BBS9: variants seen among roughly 807,000 people sequenced by gnomAD.
BBS9 encodes the protein Bardet-Biedl syndrome 9.
Under a neutral mutation model 117.7 loss-of-function variants are expected in BBS9, and 89 were observed. The observed-to-expected ratio is 0.76, with a 90% CI of 0.64 to 0.90. The LOEUF (loss-of-function observed/expected upper bound fraction) is 0.90, where lower values mean the gene tolerates loss of function less well. Ranked by LOEUF, BBS9 falls within the 40% of genes least tolerant of loss-of-function variation. BBS9 has a pLI of 0.00. For missense variants in BBS9, 982 were observed against 1,042.2 expected, an observed-to-expected ratio of 0.94 and a Z score of 0.80; for synonymous variants, 379 against 370.9, an observed-to-expected ratio of 1.02 and a Z score of -0.25.
rs1442220882 is a variant in BBS9, at chr7:33,605,693, C to CAAAGG, written c.*480_*484dup. ...GAGTGATTGCTCTACATTATTTCTT[C>CAAAGG]AAAGGAAAGGAAAGGAATTGAAGAC... On this transcript the variant is annotated 3_prime_UTR_variant, in exon 23 of 23. Transcript: ENST00000242067. The CAAAGG allele has an allele frequency of 1.7e-5, 3 of 175,240 alleles. No individual in the cohort carries two copies. Among genetic ancestry groups the CAAAGG allele is most frequent in the Non-Finnish European group, 3.7e-5 (3 of 81,020 alleles). 10.9% of individuals were successfully genotyped at this position (175,240 alleles called of 1,614,324 possible).
At chr7:33,281,061 G>C (rs1036593525) in intron 9 of BBS9, among the ~76,000 whole-genome samples, 1 of 151,368 alleles carries the variant, frequency 6.6e-6, no homozygotes, top group Non-Finnish European at 1.5e-5. Flanking sequence ...TATAAATTCT[G>C]ATATTTAGCA....
Position 33,357,980 on chromosome 7 carries a change from C to G in BBS9, c.1678C>G (p.Leu560Val). The G allele has an allele frequency of 6.2e-7, 1 of 1,612,288 alleles. No individual in the cohort carries two copies. Among genetic ancestry groups the G allele is most frequent in the Non-Finnish European group, 8.5e-7 (1 of 1,178,800 alleles). ...IDTNKSPVSL[L>V]SLFPGFASQS... Reference sequence around the variant, plus strand: ...TACCAACAAATCTCCAGTCAGTCTTCTTAGTCTCTTCCCAGGTAAGACTGT... The same window carrying G: ...TACCAACAAATCTCCAGTCAGTCTTGTTAGTCTCTTCCCAGGTAAGACTGT... Residue 560 changes from leucine (L) to valine (V), a missense_variant, in exon 16 of 23, where the codon CTT (leucine) becomes GTT (valine). Leu to Val is a conservative substitution (Grantham distance 32, BLOSUM62 1). Transcript: ENST00000242067.
intron 5 of BBS9, among the ~76,000 whole-genome samples, chr7:33,255,546 A>G (rs1796904848): frequency 6.6e-6 from 1 of 152,172 alleles, no homozygotes; most frequent in East Asian, 1.9e-4. Context: ...TATAAAAACG[A>G]CAATTCTTAG....
chr7:33,410,430 G>T (rs1200517109), intron 19 of BBS9, among the ~76,000 whole-genome samples: 1 of 151,918 alleles, frequency 6.6e-6, no homozygotes, highest in African/African-American at 2.4e-5. Flanking sequence ...TTTCATCTTG[G>T]TCAGTCACCT....
chr7:33,244,653 C>T (rs992032587), intron 5 of BBS9, among the ~76,000 whole-genome samples: 3 of 152,062 alleles, frequency 2.0e-5, no homozygotes, highest in Non-Finnish European at 4.4e-5. Flanking sequence ...TTCCCTCCTC[C>T]CCTCCTTTAG....
At chr7:33,347,760 AAG>A (rs1241643043) in intron 12 of BBS9, among the ~76,000 whole-genome samples, 5 of 151,612 alleles carry the variant, frequency 3.3e-5, no homozygotes, top group Non-Finnish European at 7.4e-5. Flanking sequence ...TTAATCAAGA[AAG>A]AGGTAATACA....
At chr7:33,384,155 C>T (rs763588389) in intron 18 of BBS9, among the ~76,000 whole-genome samples, 4 of 152,166 alleles carry the variant, frequency 2.6e-5, no homozygotes, top group Non-Finnish European at 5.9e-5. Flanking sequence ...TATCGGAGGC[C>T]ATTTGGCTAA....
chr7:33,149,780 A>C (rs1793011771), intron 2 of BBS9, among the ~76,000 whole-genome samples: 1 of 152,224 alleles, frequency 6.6e-6, no homozygotes, highest in Non-Finnish European at 1.5e-5. Flanking sequence ...TCTGGTTACT[A>C]TACTAGTCCT....
At chr7:33,325,409 G>A (rs1812630818) in intron 9 of BBS9, among the ~76,000 whole-genome samples, 1 of 152,030 alleles carries the variant, frequency 6.6e-6, no homozygotes. Context: ...ATTTCTTTGT[G>A]TTTCCTCAAA....
At chr7:33,226,667 A>C (rs1791345682) in intron 5 of BBS9, among the ~76,000 whole-genome samples, 1 of 152,244 alleles carries the variant, frequency 6.6e-6, no homozygotes, top group African/African-American at 2.4e-5. Context: ...GTGGATAAAC[A>C]AAATATGGTG....
At chr7:33,459,718 A>G (rs4720119) in intron 19 of BBS9, among the ~76,000 whole-genome samples, 1 of 152,136 alleles carries the variant, frequency 6.6e-6, no homozygotes, top group East Asian at 1.9e-4. Context: ...CATTTCTCCA[A>G]GGAGCCCTGG....
intron 17 of BBS9, among the ~76,000 whole-genome samples, chr7:33,376,364 G>C (rs1177416790): frequency 6.6e-6 from 1 of 152,060 alleles, no homozygotes; most frequent in Non-Finnish European, 1.5e-5. Context: ...TTCTGCAAAG[G>C]ACATGATCGT....
chr7:33,496,860 C>A (rs559723150), intron 19 of BBS9, among the ~76,000 whole-genome samples: 1 of 152,218 alleles, frequency 6.6e-6, no homozygotes, highest in Admixed American at 6.5e-5. Context: ...TCATTTGAGC[C>A]CTATTTCATT....
intron 9 of BBS9, among the ~76,000 whole-genome samples, chr7:33,325,046 T>A (rs1812561472): frequency 6.6e-6 from 1 of 152,232 alleles, no homozygotes; most frequent in Admixed American, 6.5e-5. Context: ...TCTGTTATTA[T>A]CTCTTTGAAT....
chr7:33,307,336 T>C (rs951189942), intron 9 of BBS9, among the ~76,000 whole-genome samples: 1 of 152,190 alleles, frequency 6.6e-6, no homozygotes, highest in Non-Finnish European at 1.5e-5. Flanking sequence ...TTCTTGTTTC[T>C]CATTTTGAAG....
chr7:33,387,936 T>G, intron 18 of BBS9, 56 bp from the exon 19 acceptor site: 1 of 1,568,016 alleles, frequency 6.4e-7, no homozygotes. Context: ...GTATTTTTTC[T>G]TTAAAGATGT....
chr7:33,412,552 C>A (rs1405733386), intron 19 of BBS9, among the ~76,000 whole-genome samples: 1 of 152,218 alleles, frequency 6.6e-6, no homozygotes, highest in African/African-American at 2.4e-5. Flanking sequence ...TGGAGTTCAG[C>A]AGTCATTGCA....
intron 9 of BBS9, among the ~76,000 whole-genome samples, chr7:33,279,269 A>T (rs543704124): frequency 1.3e-5 from 2 of 152,020 alleles, no homozygotes; most frequent in East Asian, 3.9e-4. Flanking sequence ...AGAGATGAGG[A>T]CTCACCATGT....
At chr7:33,268,402 T>G (rs376398118) in intron 7 of BBS9, among the ~76,000 whole-genome samples, 1 of 152,218 alleles carries the variant, frequency 6.6e-6, no homozygotes, top group African/African-American at 2.4e-5. Flanking sequence ...TCACAGAGTC[T>G]GCTGGGCTCT....
Sources: gnomAD v4.1 joint callset for allele counts (sites outside exome capture counted in the v4.1 genomes callset) on GRCh38, gnomAD v4.1.1 for gene constraint, MANE v1.5 for transcripts, NCBI Gene and HGNC (gene_info 2026-07-23, HGNC 2026-07-21) for gene names.